Variants in SNX29 observed in about 807,000 individuals in gnomAD.
The protein encoded by SNX29 is sorting nexin 29, also known as sorting nexin-29.
SNX29 carries 78 observed loss-of-function variants against 102.1 expected under a neutral mutation model. The ratio of observed to expected loss-of-function variants is 0.76; its 90% CI spans 0.64 to 0.92. The LOEUF (loss-of-function observed/expected upper bound fraction) is 0.92, where lower values mean the gene tolerates loss of function less well. Among genes scored for constraint, SNX29 ranks in the 40% least tolerant of loss-of-function variants. SNX29 has a pLI of 0.00. For synonymous variants in SNX29, 580 were observed against 414.5 expected (o/e 1.40, Z -4.85); for missense variants, 1,280 against 1,061.7 (o/e 1.21, Z -2.86).
chr16:12,155,098 C>A (rs1417363050), intron 13 of SNX29, among the ~76,000 whole-genome samples: 1 of 152,140 alleles, frequency 6.6e-6, no homozygotes, highest in Non-Finnish European at 1.5e-5. Context: ...TGCTGGATGC[C>A]TTGTTCTGGA....
chr16:12,202,339 G>C (rs1472535226), intron 14 of SNX29, among the ~76,000 whole-genome samples: 1 of 151,554 alleles, frequency 6.6e-6, no homozygotes, highest in East Asian at 1.9e-4. Flanking sequence ...AGTTTTTTTT[G>C]TTTTATTTTT....
intron 18 of SNX29, among the ~76,000 whole-genome samples, chr16:12,472,652 C>T (rs899730855): frequency 1.9e-4 from 29 of 152,036 alleles, no homozygotes; most frequent in African/African-American, 7.0e-4. Flanking sequence ...TAGGAACACT[C>T]TGGTAGACGC....
At chr16:11,994,729 T>C (rs2055992701) in intron 1 of SNX29, among the ~76,000 whole-genome samples, 1 of 152,168 alleles carries the variant, frequency 6.6e-6, no homozygotes, top group African/African-American at 2.4e-5. Context: ...CGGCAACATT[T>C]GAAGCTGGCA....
intron 19 of SNX29, among the ~76,000 whole-genome samples, chr16:12,521,267 AT>A (rs200789460): frequency 7.3e-5 from 11 of 150,738 alleles, no homozygotes; most frequent in African/African-American, 1.9e-4. Flanking sequence ...AAGAAATCAG[AT>A]TTTTTTTTTA....
At chr16:12,317,425 T>C (rs1017073127) in intron 15 of SNX29, among the ~76,000 whole-genome samples, 4 of 152,182 alleles carry the variant, frequency 2.6e-5, no homozygotes, top group African/African-American at 7.2e-5. Flanking sequence ...TAATGACTCA[T>C]TGAGAGATGC....
chr16:12,132,210 G>A (rs373705494), intron 13 of SNX29, among the ~76,000 whole-genome samples: 1 of 151,056 alleles, frequency 6.6e-6, no homozygotes, highest in African/African-American at 2.4e-5. Flanking sequence ...GTGATTCTCC[G>A]GCCTCAACCT....
Position 12,356,292 on chromosome 16 carries a change from C to G in SNX29, c.1899+13C>G. ...TCTCCGGGGACCGGTGAGTGTTTCC[C>G]CAACCCTGTGTGTCTGTCAAGCCTC... On this transcript the variant is annotated intron_variant, in intron 16 of 20. Transcript: ENST00000566228. 1.3e-6 allele frequency: 2 copies of G among 1,583,210 alleles called. No homozygotes were observed. The highest frequency in any genetic ancestry group is 1.7e-6 in the Non-Finnish European group (2 of 1,164,902).
intron 18 of SNX29, among the ~76,000 whole-genome samples, chr16:12,435,951 C>T (rs910449002): frequency 1.3e-4 from 20 of 152,242 alleles, no homozygotes; most frequent in African/African-American, 3.4e-4. Flanking sequence ...ACACACGTGC[C>T]GCGCGTTACT....
intron 8 of SNX29, among the ~76,000 whole-genome samples, chr16:12,059,121 C>G (rs1475031638): frequency 2.0e-5 from 3 of 152,202 alleles, no homozygotes; most frequent in South Asian, 2.1e-4. Flanking sequence ...GCTCACTTCT[C>G]GGGTTTGGAA....
At chr16:12,371,183 A>G (rs1054916090) in intron 16 of SNX29, among the ~76,000 whole-genome samples, 2 of 152,194 alleles carry the variant, frequency 1.3e-5, no homozygotes, top group African/African-American at 4.8e-5. Flanking sequence ...GGGATCAGCC[A>G]AGGCTTTTGA....
At chr16:12,173,126 A>G (rs2076185089) in intron 13 of SNX29, among the ~76,000 whole-genome samples, 1 of 152,190 alleles carries the variant, frequency 6.6e-6, no homozygotes, top group Admixed American at 6.5e-5. Flanking sequence ...GGCGCCGGTA[A>G]GTTCTGTGGA....
chr16:12,150,393 A>G (rs1021346797), intron 13 of SNX29, among the ~76,000 whole-genome samples: 5 of 152,226 alleles, frequency 3.3e-5, no homozygotes, highest in African/African-American at 9.6e-5. Context: ...CTTTGCTACC[A>G]GGGGTTAAGG....
chr16:12,321,245 G>A (rs1338474339), intron 15 of SNX29, among the ~76,000 whole-genome samples: 1 of 152,108 alleles, frequency 6.6e-6, no homozygotes, highest in African/African-American at 2.4e-5. Context: ...CCCACGCAGG[G>A]ACCAAAGCCA....
chr16:12,561,364 C>A (rs577978832), intron 20 of SNX29, among the ~76,000 whole-genome samples: 1 of 152,246 alleles, frequency 6.6e-6, no homozygotes, highest in South Asian at 2.1e-4. Flanking sequence ...TATGAGGGAG[C>A]TAGGTCGTGG....
At chr16:12,431,936 C>T (rs1009336596) in intron 18 of SNX29, among the ~76,000 whole-genome samples, 8 of 152,252 alleles carry the variant, frequency 5.3e-5, no homozygotes, top group African/African-American at 1.9e-4. Context: ...GGGGAACCTT[C>T]TGTGCAGGCC....
intron 15 of SNX29, among the ~76,000 whole-genome samples, chr16:12,319,884 C>T (rs543662648): frequency 1.3e-5 from 2 of 152,124 alleles, no homozygotes; most frequent in Non-Finnish European, 2.9e-5. Context: ...AAGAACTGCT[C>T]GGGCTCAGCC....
chr16:12,105,779 G>A (rs368710833), intron 11 of SNX29, among the ~76,000 whole-genome samples: 1 of 152,182 alleles, frequency 6.6e-6, no homozygotes, highest in South Asian at 2.1e-4. Context: ...TGCTGCACAG[G>A]TGAGCCACAG....
At chr16:12,106,243 C>G (rs182860396) in intron 11 of SNX29, among the ~76,000 whole-genome samples, 1 of 152,080 alleles carries the variant, frequency 6.6e-6, no homozygotes, top group Admixed American at 6.5e-5. Flanking sequence ...GGAATTGCAT[C>G]GGTGGTGTGT....
intron 14 of SNX29, among the ~76,000 whole-genome samples, chr16:12,204,819 C>T (rs2077005030): frequency 6.6e-6 from 1 of 152,262 alleles, no homozygotes; most frequent in Non-Finnish European, 1.5e-5. Flanking sequence ...TTCGTGCTCT[C>T]ACTGGGGTGT....
Sources: gnomAD v4.1 joint callset for allele counts (sites outside exome capture counted in the v4.1 genomes callset) on GRCh38, gnomAD v4.1.1 for gene constraint, MANE v1.5 for transcripts, NCBI Gene and HGNC (gene_info 2026-07-23, HGNC 2026-07-21) for gene names.